MASTL: variants seen among roughly 807,000 people sequenced by gnomAD.
MASTL encodes serine/threonine-protein kinase greatwall.
A neutral mutation model predicts 82.5 loss-of-function variants in MASTL; 54 were observed. That is an observed-to-expected ratio of 0.65 (90% confidence interval 0.53 to 0.82). MASTL has a LOEUF of 0.82. Among genes scored for constraint, MASTL ranks in the 40% least tolerant of loss-of-function variants. The probability of loss-of-function intolerance (pLI) is 0.00; values close to 1 mark genes in which losing one functional copy is unlikely to be tolerated. For synonymous variants in MASTL, 323 were observed against 368.9 expected (o/e 0.88, Z 1.43); for missense variants, 950 against 1,047.8 (o/e 0.91, Z 1.29).
chr10:27,177,145 C>G (rs922953200), intron 9 of MASTL, among the ~76,000 whole-genome samples: 1 of 152,144 alleles, frequency 6.6e-6, no homozygotes, highest in Admixed American at 6.5e-5. Flanking sequence ...CCACACCCAG[C>G]CAAGAGTGTG....
chr10:27,164,460 C>A (rs2057675451), intron 4 of MASTL, among the ~76,000 whole-genome samples: 2 of 152,062 alleles, frequency 1.3e-5, no homozygotes. Flanking sequence ...ACTTCTCTTA[C>A]CATTTTTTAT....
At chr10:27,176,721 T>C (rs2058112024) in intron 9 of MASTL, among the ~76,000 whole-genome samples, 1 of 152,258 alleles carries the variant, frequency 6.6e-6, no homozygotes, top group African/African-American at 2.4e-5. Flanking sequence ...TTCACTTCTA[T>C]GTTACCTTAT....
At chr10:27,165,734 A>T (rs975471244) in intron 6 of MASTL, among the ~76,000 whole-genome samples, 195 bp downstream of exon 6, 6 of 151,740 alleles carry the variant, frequency 4.0e-5, no homozygotes, top group Admixed American at 3.9e-4. Context: ...ACAAAGTGAG[A>T]CTTCATCTCT....
In MASTL at chr10:27,155,625, C is replaced by A. The variant is rs747828435; in HGVS notation, c.186+13C>A. The A allele has an allele frequency of 6.9e-5, 112 of 1,613,772 alleles. No individual in the cohort carries two copies. The highest frequency in any genetic ancestry group is 9.5e-5 in the Non-Finnish European group (112 of 1,179,824). On this transcript the variant is annotated intron_variant, in intron 1 of 11. Transcript: ENST00000375940. Reference sequence around the variant, plus strand: ...GTATGCAGTAAAGGTAGGAAGTCAACGAGTAGCAAGGAAGGGGTTAGGCCC... The same window carrying A: ...GTATGCAGTAAAGGTAGGAAGTCAAAGAGTAGCAAGGAAGGGGTTAGGCCC...
At chr10:27,162,912 CTT>C (rs770851864) in intron 4 of MASTL, among the ~76,000 whole-genome samples, 2 of 151,820 alleles carry the variant, frequency 1.3e-5, no homozygotes, top group Non-Finnish European at 1.5e-5. Context: ...TATTTATAGT[CTT>C]TTGTTTGTTT....
chr10:27,170,996 T>C lies in MASTL; in HGVS notation c.2037T>C (p.Asp679=). Residue 679 remains aspartate (D), a synonymous_variant, in exon 8 of 12, where the codon GAT becomes GAC. Transcript: ENST00000375940. The part of the protein sequence containing the change: ...EPSRMNMTSL[D]AMDISCAYSG... ...CCAGAATGAACATGACTTCTTTAGA[T>C]GCAATGGATATTTCGTGTGCCTACA... 6.2e-7 allele frequency: 1 copy of C among 1,614,130 alleles called. No individual in the cohort carries two copies. Among genetic ancestry groups the C allele is most frequent in the Non-Finnish European group, 8.5e-7 (1 of 1,179,956 alleles).
At chr10:27,173,330 A>G in intron 9 of MASTL, 71 bp downstream of exon 9, 1 of 1,585,738 alleles carries the variant, frequency 6.3e-7, no homozygotes, top group Non-Finnish European at 8.7e-7. Context: ...TTAAATTTTA[A>G]AAAATTTCTT....
Position 27,165,049 on chromosome 10 carries a change from T to A in MASTL, c.554-15T>A. On this transcript the variant is annotated splice_polypyrimidine_tract_variant and intron_variant, in intron 4 of 11. Transcript: ENST00000375940. ...GGTTTTAAATACATTTATATACTTT[T>A]CTTTGCATACATAGATATTAATATG... 1 of 1,447,700 alleles carries A rather than the reference T, an allele frequency of 6.9e-7. No homozygotes were observed. Among genetic ancestry groups the A allele is most frequent in the Non-Finnish European group, 9.7e-7 (1 of 1,028,420 alleles). The allele number at this position is 1,447,700 out of a possible 1,614,324, so 89.7% of individuals were successfully genotyped here.
chr10:27,164,553 G>C (rs1470199381), intron 4 of MASTL, among the ~76,000 whole-genome samples: 1 of 152,100 alleles, frequency 6.6e-6, no homozygotes, highest in African/African-American at 2.4e-5. Flanking sequence ...AATAATCTGG[G>C]TCAGTTTCTA....
chr10:27,180,326 G>A (rs555834599), intron 9 of MASTL, among the ~76,000 whole-genome samples: 1 of 152,372 alleles, frequency 6.6e-6, no homozygotes, highest in Non-Finnish European at 1.5e-5. Flanking sequence ...TCCCGGAGAA[G>A]GCCGCATGCT....
chr10:27,158,569 G>A lies in MASTL; in HGVS notation c.207G>A (p.Met69Ile). The A allele has an allele frequency of 6.2e-7, 1 of 1,607,238 alleles. No individual in the cohort carries two copies. Among genetic ancestry groups the A allele is most frequent in the Non-Finnish European group, 8.5e-7 (1 of 1,173,790 alleles). The change falls in exon 2 of 12, where the codon ATG (methionine) becomes ATA (isoleucine). Residue 69 changes from methionine to isoleucine, a missense_variant. Transcript: ENST00000375940. ...YAVKVVKKAD[M>I]INKNMTHQVQ... The stretch of plus-strand genomic sequence containing the variant: ...TACAGGTTGTTAAAAAAGCAGACAT[G>A]ATCAACAAAAATATGACTCATCAGG...
rs544379603 is a variant in MASTL, at chr10:27,182,074, C to CA, written c.2482+511dup. Among the ~76,000 whole-genome samples, 496 of 95,440 alleles carry CA rather than the reference C, an allele frequency of 5.2e-3. 4 individuals carry two copies. Among genetic ancestry groups the CA allele is most frequent in the African/African-American group, 0.012 (289 of 24,344 alleles). The allele number at this position is 95,440 out of a possible 152,430, so 62.6% of individuals were successfully genotyped here. A position where few individuals can be genotyped will look rare whatever the true frequency, so the allele number is the denominator to read the frequency against. ...TGGGCAACAGAGCGAGACTCCCTCTCAAAAAAAAAAAAAAAAAATACAAAA... is the reference window on the plus strand; with the variant it reads ...TGGGCAACAGAGCGAGACTCCCTCTCAAAAAAAAAAAAAAAAAAATACAAAA... On this transcript the variant is annotated intron_variant, in intron 11 of 11. Coordinates refer to ENST00000375940, the MANE Select transcript of MASTL (RefSeq NM_001172303.3).
chr10:27,173,530 C>T (rs2058016601), intron 9 of MASTL, among the ~76,000 whole-genome samples: 1 of 151,926 alleles, frequency 6.6e-6, no homozygotes, highest in African/African-American at 2.4e-5. Flanking sequence ...AGAGAAGCCC[C>T]ACCTGCCACC....
intron 11 of MASTL, among the ~76,000 whole-genome samples, chr10:27,183,282 T>G (rs190415062): frequency 2.0e-5 from 3 of 151,888 alleles, no homozygotes; most frequent in African/African-American, 7.3e-5. Flanking sequence ...GTTGTTGTTG[T>G]TGTTGTTGTT....
chr10:27,171,081 C>T lies in MASTL; in HGVS notation c.2122C>T (p.Gln708Ter). 1 of 1,613,190 alleles carries T rather than the reference C, an allele frequency of 6.2e-7. No homozygotes were observed. Among genetic ancestry groups the T allele is most frequent in the Non-Finnish European group, 8.5e-7 (1 of 1,179,204 alleles). ...TQKRRSCMPH[Q>*]QTPNQIKSGT... Reference sequence around the variant, plus strand: ...AAAAAGAAGATCCTGTATGCCACATCAGGTATATTTATAACTTTCTAATAC... The same window carrying T: ...AAAAAGAAGATCCTGTATGCCACATTAGGTATATTTATAACTTTCTAATAC... The change falls in exon 8 of 12, where the codon CAG becomes TAG. Residue 708 changes from glutamine to a stop codon, truncating the protein, a stop_gained and splice_region_variant. Transcript: ENST00000375940. LOFTEE classifies it high-confidence loss of function.
chr10:27,155,388 A>T lies in MASTL; in HGVS notation c.-39A>T, dbSNP rs1564476081. 1 of 1,555,232 alleles carries T rather than the reference A, an allele frequency of 6.4e-7. No individual in the cohort carries two copies. The highest frequency in any genetic ancestry group is 1.2e-5 in the South Asian group (1 of 86,508). On this transcript the variant is annotated 5_prime_UTR_variant, in exon 1 of 12. Coordinates refer to ENST00000375940, the MANE Select transcript of MASTL (RefSeq NM_001172303.3). Reference sequence around the variant, plus strand: ...AGTTGGCGGGAGTGGCTGCTCGCGGAGGGGCAGTGTCTGCGGGGCCGCTGT... The same window carrying T: ...AGTTGGCGGGAGTGGCTGCTCGCGGTGGGGCAGTGTCTGCGGGGCCGCTGT...
At chr10:27,173,067 G>C (rs2058000423) in intron 8 of MASTL, 51 bp from the exon 9 acceptor site, 2 of 1,604,088 alleles carry the variant, frequency 1.2e-6, no homozygotes, top group Admixed American at 1.7e-5. Context: ...TTTCTATTCG[G>C]TGTAAAAGGA....
intron 4 of MASTL, among the ~76,000 whole-genome samples, chr10:27,161,426 T>C (rs2057567739): frequency 6.6e-6 from 1 of 151,852 alleles, no homozygotes; most frequent in Non-Finnish European, 1.5e-5. Flanking sequence ...GGAGAATCAC[T>C]TGAACCCAGG....
intron 6 of MASTL, among the ~76,000 whole-genome samples, chr10:27,165,796 G>A (rs1411032344): frequency 6.6e-6 from 1 of 151,998 alleles, no homozygotes; most frequent in Non-Finnish European, 1.5e-5. Context: ...AGCTACATTG[G>A]AGGCTGAGGC....
Sources: gnomAD v4.1 joint callset for allele counts (sites outside exome capture counted in the v4.1 genomes callset) on GRCh38, gnomAD v4.1.1 for gene constraint, MANE v1.5 for transcripts, NCBI Gene and HGNC (gene_info 2026-07-23, HGNC 2026-07-21) for gene names.